Variants in NGF observed in about 807,000 individuals in gnomAD.
NGF encodes nerve growth factor, also known as beta-nerve growth factor.
A neutral mutation model predicts 12.8 loss-of-function variants in NGF; 4 were observed. The observed-to-expected ratio is 0.31, with a 90% confidence interval of 0.15 to 0.72. The LOEUF (loss-of-function observed/expected upper bound fraction) is 0.72, where lower values mean the gene tolerates loss of function less well. Among genes scored for constraint, NGF ranks in the 30% least tolerant of loss-of-function variants. NGF has a pLI of 0.69. For missense variants in NGF, 283 were observed against 330.8 expected, an observed-to-expected ratio of 0.86 and a Z score of 1.12; for synonymous variants, 140 against 130.0, an observed-to-expected ratio of 1.08 and a Z score of -0.52.
At chr1:115,323,671 A>G (rs979033806) in intron 1 of NGF, among the ~76,000 whole-genome samples, 2 of 152,190 alleles carry the variant, frequency 1.3e-5, no homozygotes, top group Non-Finnish European at 2.9e-5. Flanking sequence ...AGACCTTGTA[A>G]ATTTTCATAA....
intron 2 of NGF, among the ~76,000 whole-genome samples, chr1:115,292,104 T>A (rs1236915828): frequency 6.6e-6 from 1 of 152,196 alleles, no homozygotes; most frequent in Non-Finnish European, 1.5e-5. Context: ...GTTAACTGGC[T>A]GCTGTCTTCA....
At chr1:115,304,904 A>G (rs1338400855) in intron 1 of NGF, among the ~76,000 whole-genome samples, 1 of 152,112 alleles carries the variant, frequency 6.6e-6, no homozygotes, top group Non-Finnish European at 1.5e-5. Context: ...GGGAGCTCCT[A>G]GTGACTGCTG....
intron 1 of NGF, among the ~76,000 whole-genome samples, chr1:115,326,653 C>G (rs956602039): frequency 2.0e-5 from 3 of 152,182 alleles, no homozygotes; most frequent in African/African-American, 7.2e-5. Context: ...TACCTCATCT[C>G]TGCTCAAGTT....
At chr1:115,318,981 T>C (rs1169729703) in intron 1 of NGF, among the ~76,000 whole-genome samples, 1 of 152,208 alleles carries the variant, frequency 6.6e-6, no homozygotes, top group East Asian at 1.9e-4. Flanking sequence ...AATGGCTTCA[T>C]GGGACTCCCC....
At chr1:115,311,430 A>G (rs1348902165) in intron 1 of NGF, among the ~76,000 whole-genome samples, 1 of 152,148 alleles carries the variant, frequency 6.6e-6, no homozygotes, top group Non-Finnish European at 1.5e-5. Context: ...AGAATTCCTC[A>G]GAGCCACAGA....
At chr1:115,326,514 G>A (rs1258571890) in intron 1 of NGF, among the ~76,000 whole-genome samples, 3 of 152,110 alleles carry the variant, frequency 2.0e-5, no homozygotes, top group East Asian at 1.9e-4. Flanking sequence ...CTTTAAGCAC[G>A]ACTCCTGGGA....
At chr1:115,334,854 A>T (rs1325223568) in intron 1 of NGF, among the ~76,000 whole-genome samples, 1 of 152,180 alleles carries the variant, frequency 6.6e-6, no homozygotes, top group Non-Finnish European at 1.5e-5. Context: ...AAACAATATA[A>T]ATCCAATATA....
intron 1 of NGF, among the ~76,000 whole-genome samples, chr1:115,299,185 G>A (rs781597247): frequency 5.3e-5 from 8 of 152,160 alleles, no homozygotes; most frequent in Admixed American, 1.3e-4. Flanking sequence ...TTAGGAAGAC[G>A]TTAAGGTTCA....
Position 115,286,167 on chromosome 1 carries a change from G to A in NGF, c.629C>T (p.Ala210Val), listed in dbSNP as rs1319049263. The A allele has an allele frequency of 6.2e-7, 1 of 1,613,966 alleles. No homozygotes were observed. The highest frequency in any genetic ancestry group is 8.5e-7 in the Non-Finnish European group (1 of 1,179,942). The change falls in exon 3 of 3, where the codon GCG becomes GTG. Residue 210 changes from alanine to valine, a missense_variant. This residue lies in a region of NGF where 132 missense variants were observed against 189.2 expected (regional missense o/e 0.70). Transcript: ENST00000369512. ...YCTTTHTFVK[A>V]LTMDGKQAAW... is the part of the protein sequence containing the mutation. ...AGCCTGCTTGCCATCCATGGTCAGC[G>A]CCTTGACAAAGGTGTGAGTCGTGGT...
intron 1 of NGF, among the ~76,000 whole-genome samples, chr1:115,297,397 T>G (rs1003190019): frequency 1.3e-5 from 2 of 152,164 alleles, no homozygotes; most frequent in Non-Finnish European, 1.5e-5. Context: ...AAAGTTATGT[T>G]GTGGGCTTCT....
chr1:115,304,329 A>ATTTTTTTTTTTTTTTTTTT lies in NGF; in HGVS notation c.-136-10580_-136-10579insAAAAAAAAAAAAAAAAAAA, dbSNP rs58345237. Among the ~76,000 whole-genome samples, 251 of 80,752 alleles carry ATTTTTTTTTTTTTTTTTTT rather than the reference A, an allele frequency of 3.1e-3. 44 individuals carry two copies. Among genetic ancestry groups the ATTTTTTTTTTTTTTTTTTT allele is most frequent in the East Asian group, 4.0e-3 (12 of 2,972 alleles). The allele number at this position is 80,752 out of a possible 152,430, so 53.0% of individuals were successfully genotyped here. The stretch of plus-strand genomic sequence containing the variant: ...AGGAGCGCACCACCATGCTTGGCTA[A>ATTTTTTTTTTTTTTTTTTT]TTTTTTTTTTTTTTTTGTATTTTTA... On this transcript the variant is annotated intron_variant, in intron 1 of 2. Transcript: ENST00000369512.
intron 1 of NGF, among the ~76,000 whole-genome samples, chr1:115,324,723 G>T (rs1237416243): frequency 1.3e-5 from 2 of 152,096 alleles, no homozygotes; most frequent in Non-Finnish European, 2.9e-5. Context: ...TGGAGGAGTG[G>T]GGTACTCCGG....
rs143103085 is a variant in NGF at position 115,306,006 on chromosome 1, C to G, written c.-136-12256G>C. Among the ~76,000 whole-genome samples, 1,124 of 152,242 alleles carry G rather than the reference C, an allele frequency of 7.4e-3. 5 individuals are homozygous for G. The highest frequency in any genetic ancestry group is 0.01 in the Non-Finnish European group (706 of 68,022). On this transcript the variant is annotated intron_variant, in intron 1 of 2. Coordinates refer to ENST00000369512, the MANE Select transcript of NGF (RefSeq NM_002506.3). The stretch of plus-strand genomic sequence containing the variant: ...ATTTCCATTCATGGACATGCAATAG[C>G]AAACCATCTCATACATTTACAGGAA...
intron 1 of NGF, among the ~76,000 whole-genome samples, chr1:115,302,761 CTG>C (rs1156537281): frequency 6.6e-6 from 1 of 152,202 alleles, no homozygotes; most frequent in East Asian, 1.9e-4. Context: ...ACAGCTCCCT[CTG>C]TGCCGCAGCC....
At chr1:115,323,411 A>C (rs945907244) in intron 1 of NGF, among the ~76,000 whole-genome samples, 15 of 152,262 alleles carry the variant, frequency 9.9e-5, no homozygotes, top group Middle Eastern at 3.4e-3. Context: ...GTGAATGAAA[A>C]GACAAAGTGG....
chr1:115,306,737 A>G (rs557347423), intron 1 of NGF, among the ~76,000 whole-genome samples: 10 of 152,236 alleles, frequency 6.6e-5, no homozygotes, highest in African/African-American at 2.4e-4. Context: ...TTTAAAAGAG[A>G]TAAAGCCACC....
At chr1:115,333,682 TTTC>T (rs1201623578) in intron 1 of NGF, among the ~76,000 whole-genome samples, 88 of 90,480 alleles carry the variant, frequency 9.7e-4, no homozygotes, top group Middle Eastern at 4.9e-3. Context: ...TCTTTCTTTC[TTTC>T]TTTCTTTCTT....
At chr1:115,329,911 T>C (rs2101054675) in intron 1 of NGF, among the ~76,000 whole-genome samples, 1 of 152,114 alleles carries the variant, frequency 6.6e-6, no homozygotes, top group East Asian at 1.9e-4. Flanking sequence ...TCACCATGCC[T>C]GGCTAATTTT....
chr1:115,316,393 A>G (rs1295703200), intron 1 of NGF, among the ~76,000 whole-genome samples: 1 of 152,206 alleles, frequency 6.6e-6, no homozygotes, highest in Non-Finnish European at 1.5e-5. Flanking sequence ...GCCAATTGAT[A>G]TCTCCTTGTT....
Sources: allele counts gnomAD v4.1 joint callset (sites outside exome capture counted in the v4.1 genomes callset), GRCh38; gene constraint gnomAD v4.1.1; regional missense constraint gnomAD v4.1.1; transcripts MANE v1.5; gene names NCBI Gene and HGNC (gene_info 2026-07-23, HGNC 2026-07-21).